The following PPP1R12A variants were observed in gnomAD, a reference collection of about 807,000 sequenced individuals.
PPP1R12A encodes myosin binding subunit.
PPP1R12A carries 19 observed loss-of-function variants against 139.6 expected under a neutral mutation model. That is an observed-to-expected ratio of 0.14 (90% CI 0.09 to 0.20). The LOEUF is 0.20. Ranked by LOEUF, PPP1R12A falls within the 10% of genes least tolerant of loss-of-function variation. The probability of loss-of-function intolerance (pLI) is 1.00; values close to 1 mark genes in which losing one functional copy is unlikely to be tolerated. For synonymous variants in PPP1R12A, 427 were observed against 420.6 expected (o/e 1.02, Z -0.19); for missense variants, 925 against 1,211.5 (o/e 0.76, Z 3.51).
intron 2 of PPP1R12A, among the ~76,000 whole-genome samples, chr12:79,854,828 G>T (rs1474777669): frequency 6.6e-6 from 1 of 151,686 alleles, no homozygotes; most frequent in Non-Finnish European, 1.5e-5. Flanking sequence ...TGCACCACCA[G>T]GCCCAGCTGA....
intron 1 of PPP1R12A, among the ~76,000 whole-genome samples, chr12:79,898,577 T>C (rs1295783498): frequency 2.0e-5 from 3 of 152,234 alleles, no homozygotes; most frequent in Admixed American, 1.3e-4. Flanking sequence ...ACACTCCTCA[T>C]CTTCCTTCCC....
At chr12:79,811,511 T>G (rs769847306) in intron 9 of PPP1R12A, among the ~76,000 whole-genome samples, 1 of 152,178 alleles carries the variant, frequency 6.6e-6, no homozygotes, top group Non-Finnish European at 1.5e-5. Flanking sequence ...CTTTTGCCAG[T>G]GGCACTGTGA....
At chr12:79,800,996 G>A (rs1007525624) in intron 14 of PPP1R12A, among the ~76,000 whole-genome samples, 3 of 151,540 alleles carry the variant, frequency 2.0e-5, no homozygotes, top group African/African-American at 7.3e-5. Context: ...GCCTCCCAAA[G>A]TGCTGGGATT....
At chr12:79,865,168 G>A (rs1190660395) in intron 2 of PPP1R12A, among the ~76,000 whole-genome samples, 1 of 152,064 alleles carries the variant, frequency 6.6e-6, no homozygotes, top group Non-Finnish European at 1.5e-5. Context: ...TTCAACATAC[G>A]CAAATTAATA....
intron 9 of PPP1R12A, among the ~76,000 whole-genome samples, 172 bp downstream of exon 9, chr12:79,817,221 AC>A (rs1293891073): frequency 6.6e-6 from 1 of 152,230 alleles, no homozygotes; most frequent in South Asian, 2.1e-4. Flanking sequence ...GGATAAAAAA[AC>A]ATGATTCAGA....
intron 3 of PPP1R12A, among the ~76,000 whole-genome samples, chr12:79,841,420 T>C (rs927941726): frequency 8.5e-5 from 13 of 152,232 alleles, no homozygotes; most frequent in Non-Finnish European, 1.0e-4. Context: ...AGCTCTTCGT[T>C]TGACACTTCT....
At chr12:79,882,910 G>A (rs906498111) in intron 1 of PPP1R12A, among the ~76,000 whole-genome samples, 3 of 152,120 alleles carry the variant, frequency 2.0e-5, no homozygotes, top group South Asian at 2.1e-4. Context: ...AGGCCGAGGC[G>A]GGAGGATCAT....
intron 3 of PPP1R12A, among the ~76,000 whole-genome samples, chr12:79,840,199 A>T (rs948640973): frequency 6.6e-6 from 1 of 152,194 alleles, no homozygotes; most frequent in African/African-American, 2.4e-5. Flanking sequence ...TCATCTGGAA[A>T]TGGGGTAACA....
chr12:79,830,049 T>C (rs1404343063), intron 4 of PPP1R12A, among the ~76,000 whole-genome samples: 1 of 152,040 alleles, frequency 6.6e-6, no homozygotes, highest in South Asian at 2.1e-4. Context: ...ATCTTTTCTA[T>C]TGATTTTTAT....
At chr12:79,800,733 C>CTTTT (rs34522404) in intron 14 of PPP1R12A, among the ~76,000 whole-genome samples, 1 of 137,106 alleles carries the variant, frequency 7.3e-6, no homozygotes, top group Non-Finnish European at 1.6e-5. Flanking sequence ...TCAAATGCTA[C>CTTTT]TTTTTTTTTT....
chr12:79,837,021 C>A (rs948922171), intron 3 of PPP1R12A, among the ~76,000 whole-genome samples: 1 of 152,086 alleles, frequency 6.6e-6, no homozygotes, highest in Non-Finnish European at 1.5e-5. Flanking sequence ...TGTTTTAGAT[C>A]AGGGATAAAC....
At chr12:79,866,160 A>C (rs1039165531) in intron 2 of PPP1R12A, among the ~76,000 whole-genome samples, 9 of 152,168 alleles carry the variant, frequency 5.9e-5, no homozygotes, top group Non-Finnish European at 1.2e-4. Context: ...CTCAGAAATA[A>C]CACCACACAT....
rs1871411282 is a variant in PPP1R12A, at chr12:79,788,670, T to A, written c.2780A>T (p.Asp927Val). The A allele has an allele frequency of 6.2e-7, 1 of 1,612,168 alleles. No homozygotes were observed. Among genetic ancestry groups the A allele is most frequent in the Non-Finnish European group, 8.5e-7 (1 of 1,178,968 alleles). ...RKPYSSRLEKDDSTDFKKLYE... is the reference protein window; with the variant it reads ...RKPYSSRLEKVDSTDFKKLYE... ...TACCTTTTTAAAGTCAGTTGAGTCA[T>A]CCTTTTCTAGCCTGCTGCTGTAAGG... The change falls in exon 21 of 25, where the codon GAT (aspartate) becomes GTT (valine). Residue 927 changes from aspartate to valine, a missense_variant. This residue lies in a region of PPP1R12A where 315 missense variants were observed against 363.4 expected (regional missense o/e 0.87). Transcript: ENST00000450142.
intron 14 of PPP1R12A, among the ~76,000 whole-genome samples, chr12:79,804,192 C>T (rs1227158252): frequency 6.6e-6 from 1 of 151,808 alleles, no homozygotes. Flanking sequence ...AACCCCACCA[C>T]CAAAAAAAGC....
intron 1 of PPP1R12A, among the ~76,000 whole-genome samples, chr12:79,927,881 T>C (rs1434537905): frequency 1.3e-5 from 2 of 152,222 alleles, no homozygotes; most frequent in African/African-American, 4.8e-5. Flanking sequence ...CAATACCTCA[T>C]CATCTTCTCA....
chr12:79,923,339 T>C (rs1887592431), intron 1 of PPP1R12A, among the ~76,000 whole-genome samples: 1 of 152,026 alleles, frequency 6.6e-6, no homozygotes, highest in South Asian at 2.1e-4. Context: ...AAGTGGAAAA[T>C]ATACTAAATG....
intron 15 of PPP1R12A, among the ~76,000 whole-genome samples, chr12:79,797,713 A>ATG (rs1158441401): frequency 6.6e-6 from 1 of 152,142 alleles, no homozygotes; most frequent in Non-Finnish European, 1.5e-5. Flanking sequence ...GTGTATATAT[A>ATG]TGTGTGTATA....
At chr12:79,868,726 T>C (rs1406007114) in intron 2 of PPP1R12A, among the ~76,000 whole-genome samples, 2 of 152,130 alleles carry the variant, frequency 1.3e-5, no homozygotes, top group African/African-American at 4.8e-5. Flanking sequence ...TAATCATCCC[T>C]TTAGAGGCCG....
At chr12:79,931,004 T>C (rs889230230) in intron 1 of PPP1R12A, among the ~76,000 whole-genome samples, 2 of 152,138 alleles carry the variant, frequency 1.3e-5, no homozygotes, top group Admixed American at 6.6e-5. Context: ...AGAGTAGACT[T>C]GATGAAGAAA....
Sources: allele counts gnomAD v4.1 joint callset (sites outside exome capture counted in the v4.1 genomes callset), GRCh38; gene constraint gnomAD v4.1.1; regional missense constraint gnomAD v4.1.1; transcripts MANE v1.5; gene names NCBI Gene and HGNC (gene_info 2026-07-23, HGNC 2026-07-21).